TLL2: variants seen among roughly 807,000 people sequenced by gnomAD.
The protein encoded by TLL2 is tolloid-like protein 2.
A neutral mutation model predicts 123.0 loss-of-function variants in TLL2; 106 were observed. The ratio of observed to expected loss-of-function variants is 0.86; its 90% CI spans 0.74 to 1.01. The LOEUF (loss-of-function observed/expected upper bound fraction) is 1.01, where lower values mean the gene tolerates loss of function less well. Ranked by LOEUF, TLL2 falls within the 50% of genes least tolerant of loss-of-function variation. The pLI, the probability that TLL2 is intolerant of heterozygous loss-of-function variation, is 0.00. For synonymous variants in TLL2, 494 were observed against 516.8 expected, an observed-to-expected ratio of 0.96 and a Z score of 0.60; for missense variants, 1,332 against 1,336.7, an observed-to-expected ratio of 1.00 and a Z score of 0.06.
chr10:96,432,344 A>AC (rs1846751921), intron 4 of TLL2, among the ~76,000 whole-genome samples: 1 of 151,960 alleles, frequency 6.6e-6, no homozygotes, highest in Non-Finnish European at 1.5e-5. Flanking sequence ...TGAGATTTGG[A>AC]CCCAGGGAGT....
rs1285354320 is a variant in TLL2, at chr10:96,476,248, T to TTTTTGTTGTTGTTGTTGTTG, written c.286+4100_286+4101insCAACAACAACAACAACAAAA. 9.5e-4 allele frequency among the ~76,000 whole-genome samples: 66 copies of TTTTTGTTGTTGTTGTTGTTG among 69,232 alleles called. 1 individual carries two copies. Among genetic ancestry groups the TTTTTGTTGTTGTTGTTGTTG allele is most frequent in the African/African-American group, 3.7e-3 (59 of 16,060 alleles). 45.4% of individuals were successfully genotyped at this position (69,232 alleles called of 152,430 possible). ...TATATATATATATATATATTTTATT[T>TTTTTGTTGTTGTTGTTGTTG]TTGTTGTTGTTGTTGTTGTTGAGAC... On this transcript the variant is annotated intron_variant, in intron 2 of 20. Transcript: ENST00000357947.
At chr10:96,408,441 G>C (rs1846471045) in intron 9 of TLL2, among the ~76,000 whole-genome samples, 1 of 152,172 alleles carries the variant, frequency 6.6e-6, no homozygotes, top group African/African-American at 2.4e-5. Context: ...TATTCTCTCT[G>C]TCCCCAGTTA....
intron 1 of TLL2, among the ~76,000 whole-genome samples, chr10:96,482,050 G>T (rs1310369849): frequency 6.6e-6 from 1 of 152,182 alleles, no homozygotes; most frequent in African/African-American, 2.4e-5. Flanking sequence ...GAGGTCAGGA[G>T]ATCGAGACCA....
intron 1 of TLL2, among the ~76,000 whole-genome samples, chr10:96,497,850 C>T (rs1045381157): frequency 2.0e-5 from 3 of 152,238 alleles, no homozygotes; most frequent in African/African-American, 7.2e-5. Flanking sequence ...ATTTCCATAG[C>T]CAAATAGGAA....
intron 2 of TLL2, among the ~76,000 whole-genome samples, chr10:96,454,382 C>G (rs1189558351): frequency 6.6e-6 from 1 of 152,236 alleles, no homozygotes; most frequent in Non-Finnish European, 1.5e-5. Context: ...GGCCCTCATG[C>G]AAATTTGAGC....
At chr10:96,415,335 T>C (rs1846543894) in intron 7 of TLL2, among the ~76,000 whole-genome samples, 1 of 152,182 alleles carries the variant, frequency 6.6e-6, no homozygotes, top group Non-Finnish European at 1.5e-5. Flanking sequence ...CAAACTCCTA[T>C]TCATTCTCCA....
chr10:96,402,762 A>G (rs556333561), intron 10 of TLL2, among the ~76,000 whole-genome samples: 1 of 152,296 alleles, frequency 6.6e-6, no homozygotes, highest in African/African-American at 2.4e-5. Context: ...CCCCTCAGTC[A>G]TACGAAAGAT....
chr10:96,401,779 C>G (rs900381097), intron 10 of TLL2, among the ~76,000 whole-genome samples: 3 of 152,228 alleles, frequency 2.0e-5, no homozygotes, highest in African/African-American at 7.2e-5. Context: ...TGGGGAACTT[C>G]AGTAACAGAC....
At chr10:96,387,922 C>T (rs1846252945) in intron 13 of TLL2, among the ~76,000 whole-genome samples, 2 of 152,192 alleles carry the variant, frequency 1.3e-5, no homozygotes, top group Admixed American at 1.3e-4. Context: ...AGCCATAGTA[C>T]ATCTAGCCCT....
At chr10:96,441,413 G>A (rs1846849513) in intron 3 of TLL2, among the ~76,000 whole-genome samples, 1 of 152,112 alleles carries the variant, frequency 6.6e-6, no homozygotes, top group Non-Finnish European at 1.5e-5. Flanking sequence ...ATTCAACTGG[G>A]GAGCTTTTAA....
chr10:96,395,848 TG>T, intron 12 of TLL2, 26 bp downstream of exon 12: 1 of 1,607,562 alleles, frequency 6.2e-7, no homozygotes, highest in Non-Finnish European at 8.5e-7. Flanking sequence ...GCCGTTTCCT[TG>T]GGAAGCCGGT....
chr10:96,476,240 A>ATATATATATATATATTCTTTTTTTTT, intron 2 of TLL2, among the ~76,000 whole-genome samples: 4 of 20,500 alleles, frequency 2.0e-4, no homozygotes, highest in African/African-American at 3.5e-4. Context: ...ATATATATAT[A>ATATATATATATATATTCTTTTTTTTT]TTTTATTTTT....
At chr10:96,387,138 A>G in intron 13 of TLL2, 60 bp from the exon 14 acceptor site, 1 of 1,587,584 alleles carries the variant, frequency 6.3e-7, no homozygotes, top group Admixed American at 1.7e-5. Flanking sequence ...GCTGTTCCCA[A>G]CCCTTGCATA....
intron 1 of TLL2, among the ~76,000 whole-genome samples, chr10:96,491,686 C>T (rs1847415035): frequency 6.6e-6 from 1 of 152,180 alleles, no homozygotes; most frequent in Non-Finnish European, 1.5e-5. Context: ...TAAAGACACG[C>T]TTTCTAATGA....
chr10:96,428,094 C>T (rs954502486), intron 5 of TLL2, among the ~76,000 whole-genome samples: 2 of 152,102 alleles, frequency 1.3e-5, no homozygotes, highest in Non-Finnish European at 2.9e-5. Context: ...CGCTCCTGGC[C>T]GGGTTTGGGT....
At chr10:96,482,129 G>T (rs1018249937) in intron 1 of TLL2, among the ~76,000 whole-genome samples, 14 of 152,222 alleles carry the variant, frequency 9.2e-5, no homozygotes, top group Admixed American at 9.2e-4. Flanking sequence ...ATGGTGGCGG[G>T]CGCCTGTAGT....
intron 5 of TLL2, among the ~76,000 whole-genome samples, chr10:96,424,015 G>A (rs969882503): frequency 6.6e-6 from 1 of 152,170 alleles, no homozygotes; most frequent in African/African-American, 2.4e-5. Context: ...AACAGGAATG[G>A]AACTGGAGAT....
At chr10:96,394,445 G>A (rs1846318408) in intron 13 of TLL2, among the ~76,000 whole-genome samples, 2 of 152,194 alleles carry the variant, frequency 1.3e-5, no homozygotes, top group Admixed American at 1.3e-4. Flanking sequence ...GCTCTTCTGG[G>A]GCCAGGAAAG....
chr10:96,455,550 G>C (rs538318352), intron 2 of TLL2, among the ~76,000 whole-genome samples: 1 of 152,142 alleles, frequency 6.6e-6, no homozygotes, highest in Non-Finnish European at 1.5e-5. Context: ...GAAAGAAGCC[G>C]GCCCAAACCT....
Sources: allele counts gnomAD v4.1 joint callset (sites outside exome capture counted in the v4.1 genomes callset), GRCh38; gene constraint gnomAD v4.1.1; transcripts MANE v1.5; gene names NCBI Gene and HGNC (gene_info 2026-07-23, HGNC 2026-07-21).